CBFA2T3: variants seen among roughly 807,000 people sequenced by gnomAD.
CBFA2T3 encodes the protein transcriptional corepressor CBFA2T3.
Under a neutral mutation model 58.6 loss-of-function variants are expected in CBFA2T3, and 31 were observed. The observed-to-expected ratio is 0.53, with a 90% confidence interval of 0.40 to 0.71. CBFA2T3 has a LOEUF of 0.71. CBFA2T3 is among the 30% of genes least tolerant of loss of function. The pLI is 0.00. For synonymous variants in CBFA2T3, 531 were observed against 421.9 expected (o/e 1.26, Z -3.17); for missense variants, 1,076 against 963.1 (o/e 1.12, Z -1.55).
chr16:88,956,180 C>T (rs1972215830), intron 1 of CBFA2T3, among the ~76,000 whole-genome samples: 1 of 152,258 alleles, frequency 6.6e-6, no homozygotes, highest in African/African-American at 2.4e-5. Context: ...AGCCGCCTGG[C>T]CCCAGCCCGA....
intron 1 of CBFA2T3, among the ~76,000 whole-genome samples, chr16:88,974,490 G>C (rs1972742395): frequency 6.6e-6 from 1 of 152,024 alleles, no homozygotes; most frequent in Admixed American, 6.6e-5. Flanking sequence ...GAGGGGCTGA[G>C]GTCCTCCCAC....
At chr16:88,975,672 T>C (rs1333315588) in intron 1 of CBFA2T3, among the ~76,000 whole-genome samples, 2 of 152,262 alleles carry the variant, frequency 1.3e-5, no homozygotes, top group African/African-American at 4.8e-5. Flanking sequence ...GCCTTTGCAT[T>C]CCGGGCACCC....
At chr16:88,967,319 G>A (rs1362610176) in intron 1 of CBFA2T3, among the ~76,000 whole-genome samples, 1 of 152,252 alleles carries the variant, frequency 6.6e-6, no homozygotes, top group Non-Finnish European at 1.5e-5. Context: ...AAAGGAAAAT[G>A]AGAATTCGAT....
intron 1 of CBFA2T3, among the ~76,000 whole-genome samples, chr16:88,922,460 T>C (rs887172338): frequency 6.6e-6 from 1 of 152,200 alleles, no homozygotes; most frequent in Non-Finnish European, 1.5e-5. Context: ...AGGGGCTGTA[T>C]GGGCCTGGAG....
At chr16:88,879,763 G>A (rs911051660) in intron 10 of CBFA2T3, 29 of 369,978 alleles carry the variant, frequency 7.8e-5, no homozygotes, top group East Asian at 2.6e-4. Context: ...GTCAAAGCTT[G>A]CACTCTACCG....
At chr16:88,914,147 C>A (rs913493694) in intron 1 of CBFA2T3, among the ~76,000 whole-genome samples, 3 of 152,364 alleles carry the variant, frequency 2.0e-5, no homozygotes, top group South Asian at 4.1e-4. Context: ...GCACTGCAAG[C>A]GGTCTCTCAC....
intron 8 of CBFA2T3, 93 bp from the exon 9 acceptor site, chr16:88,881,582 T>TG: frequency 7.5e-7 from 1 of 1,334,948 alleles, no homozygotes. Flanking sequence ...CCGGACAGGA[T>TG]GGGTGCCCGA....
intron 1 of CBFA2T3, among the ~76,000 whole-genome samples, chr16:88,922,017 C>CAGGCCAGGGTGAGCCGTG (rs1273053884): frequency 5.9e-5 from 9 of 152,370 alleles, no homozygotes; most frequent in Admixed American, 4.6e-4. Context: ...ATCACTGGGA[C>CAGGCCAGGGTGAGCCGTG]AGGCCAGGGT....
chr16:88,909,646 C>T (rs1278323068), intron 1 of CBFA2T3, among the ~76,000 whole-genome samples: 1 of 137,152 alleles, frequency 7.3e-6, no homozygotes, highest in Non-Finnish European at 1.6e-5. Context: ...CACACGGTCC[C>T]ACAGCTTCCT....
chr16:88,903,127 G>A (rs1346951474), intron 1 of CBFA2T3, among the ~76,000 whole-genome samples: 4 of 152,218 alleles, frequency 2.6e-5, no homozygotes, highest in Admixed American at 6.5e-5. Context: ...CAGCACCATC[G>A]TCAGACGGAG....
chr16:88,959,736 G>A (rs1833489741), intron 1 of CBFA2T3, among the ~76,000 whole-genome samples: 1 of 152,286 alleles, frequency 6.6e-6, no homozygotes. Flanking sequence ...AGGAGGAAAG[G>A]TGGCTCATTG....
intron 5 of CBFA2T3, among the ~76,000 whole-genome samples, chr16:88,890,498 C>T (rs1242544073): frequency 2.6e-5 from 4 of 152,192 alleles, no homozygotes; most frequent in South Asian, 2.1e-4. Context: ...CTAAGCTCCA[C>T]GGAACCCTGA....
At position 88,892,301 on chromosome 16, in the gene CBFA2T3, G is replaced by A. The variant is rs201871489; in HGVS notation, c.564C>T (p.Gly188=). 9.9e-6 allele frequency: 16 copies of A among 1,612,784 alleles called. No homozygotes were observed. In the African/African-American group the frequency reaches 2.1e-4, roughly 21 times the overall value. The change falls in exon 4 of 12, where the codon GGC becomes GGT. Residue 188 remains glycine, a synonymous_variant. Coordinates refer to ENST00000268679, the MANE Select transcript of CBFA2T3 (RefSeq NM_005187.6). ...CCCCAATCTCTGGGGAGATGTCGCT[G>A]CCAAACTGCTGCAGTGTGGTGAGGA... The part of the protein sequence containing the change: ...KRFLTTLQQF[G]SDISPEIGER...
At chr16:88,927,558 A>C (rs1437979345) in intron 1 of CBFA2T3, among the ~76,000 whole-genome samples, 1 of 152,152 alleles carries the variant, frequency 6.6e-6, no homozygotes, top group African/African-American at 2.4e-5. Flanking sequence ...GACCCTGGCC[A>C]TGGGGGCCAC....
At chr16:88,906,364 G>T (rs923288009) in intron 1 of CBFA2T3, among the ~76,000 whole-genome samples, 1 of 152,200 alleles carries the variant, frequency 6.6e-6, no homozygotes, top group Non-Finnish European at 1.5e-5. Context: ...CCAGCCCACG[G>T]CTGCGAACCA....
intron 1 of CBFA2T3, among the ~76,000 whole-genome samples, chr16:88,909,818 A>T (rs180745401): frequency 2.0e-5 from 3 of 152,266 alleles, no homozygotes; most frequent in Admixed American, 2.0e-4. Context: ...GCAGTGAGTG[A>T]GGGGCTGAGC....
At chr16:88,882,127 G>A (rs944376698) in intron 8 of CBFA2T3, among the ~76,000 whole-genome samples, 6 of 152,256 alleles carry the variant, frequency 3.9e-5, no homozygotes, top group Non-Finnish European at 4.4e-5. Context: ...GCTGACAGCT[G>A]GGAGGAGGGG....
At chr16:88,950,447 C>G in intron 1 of CBFA2T3, 1 of 421,082 alleles carries the variant, frequency 2.4e-6, no homozygotes, top group South Asian at 1.6e-5. Context: ...GTGTTGGCAC[C>G]TGTCTTCCGG....
intron 1 of CBFA2T3, among the ~76,000 whole-genome samples, chr16:88,914,048 C>T (rs1970610450): frequency 6.6e-6 from 1 of 152,218 alleles, no homozygotes; most frequent in Admixed American, 6.5e-5. Flanking sequence ...CACGAGGCTG[C>T]AGCACGGCCA....
Sources: allele counts gnomAD v4.1 joint callset (sites outside exome capture counted in the v4.1 genomes callset), GRCh38; gene constraint gnomAD v4.1.1; transcripts MANE v1.5; gene names NCBI Gene and HGNC (gene_info 2026-07-23, HGNC 2026-07-21).